Variants in ZMIZ1 observed in about 807,000 individuals in gnomAD.
ZMIZ1 encodes the protein zinc finger MIZ-type containing 1.
In ZMIZ1, 17 loss-of-function variants were observed where a neutral mutation model predicts 113.9. The ratio of observed to expected loss-of-function variants is 0.15; its 90% CI spans 0.10 to 0.22. The LOEUF is 0.22. Among genes scored for constraint, ZMIZ1 ranks in the 10% least tolerant of loss-of-function variants. The pLI is 1.00. For synonymous variants in ZMIZ1, 607 were observed against 603.1 expected, an observed-to-expected ratio of 1.01 and a Z score of -0.09; for missense variants, 1,059 against 1,477.8, an observed-to-expected ratio of 0.72 and a Z score of 4.65.
chr10:79,198,103 C>A lies in ZMIZ1; in HGVS notation c.-49-3481C>A, dbSNP rs565145157. On this transcript the variant is annotated intron_variant, in intron 4 of 24. Transcript: ENST00000334512. ...TGAAACCCCATCTCTACTAAAAATA[C>A]AAAAAACTAGCCGGACGTGGTGGTG... Among the ~76,000 whole-genome samples the A allele has an allele frequency of 1.1e-3, 162 of 152,114 alleles. 1 individual carries two copies. The highest frequency in any genetic ancestry group is 3.4e-3 in the Middle Eastern group (1 of 294).
chr10:79,214,398 G>T (rs983554415), intron 6 of ZMIZ1, among the ~76,000 whole-genome samples: 3 of 152,200 alleles, frequency 2.0e-5, no homozygotes, highest in Admixed American at 2.0e-4. Flanking sequence ...CCTACACAGA[G>T]GGGCGCAGGG....
intron 4 of ZMIZ1, among the ~76,000 whole-genome samples, chr10:79,186,016 G>A (rs533501906): frequency 1.6e-4 from 25 of 152,166 alleles, no homozygotes; most frequent in Non-Finnish European, 3.1e-4. Flanking sequence ...AAACCAAACA[G>A]GAAAGAAGGA....
intron 5 of ZMIZ1, among the ~76,000 whole-genome samples, chr10:79,202,603 A>T (rs1564716961): frequency 6.6e-6 from 1 of 152,324 alleles, no homozygotes; most frequent in South Asian, 2.1e-4. Context: ...CATGGTCCCC[A>T]CCCTGCTGAA....
At chr10:79,128,671 A>G (rs1844622930) in intron 2 of ZMIZ1, among the ~76,000 whole-genome samples, 1 of 152,116 alleles carries the variant, frequency 6.6e-6, no homozygotes, top group South Asian at 2.1e-4. Flanking sequence ...CAGGCTAAGG[A>G]TTAGGGACTC....
At chr10:79,112,413 C>T (rs1451188942) in intron 1 of ZMIZ1, among the ~76,000 whole-genome samples, 2 of 152,010 alleles carry the variant, frequency 1.3e-5, no homozygotes, top group South Asian at 2.1e-4. Flanking sequence ...GACTTCAGAC[C>T]CACTCGGCTC....
At chr10:79,103,924 A>G (rs1247368980) in intron 1 of ZMIZ1, among the ~76,000 whole-genome samples, 1 of 152,032 alleles carries the variant, frequency 6.6e-6, no homozygotes, top group Non-Finnish European at 1.5e-5. Flanking sequence ...TTCAAGCACC[A>G]TTTGCCATTG....
chr10:79,246,553 G>A (rs913099277), intron 7 of ZMIZ1, among the ~76,000 whole-genome samples: 2 of 152,174 alleles, frequency 1.3e-5, no homozygotes, highest in Non-Finnish European at 2.9e-5. Flanking sequence ...CAGAGAGAGG[G>A]GTACAGGCCC....
intron 7 of ZMIZ1, among the ~76,000 whole-genome samples, chr10:79,219,789 G>A (rs78656504): frequency 0.028 from 4,215 of 152,276 alleles, 187 homozygotes; most frequent in African/African-American, 0.096. Flanking sequence ...AGAACACTGA[G>A]GCACAGCAGT....
chr10:79,204,030 G>A (rs887320214), intron 5 of ZMIZ1, among the ~76,000 whole-genome samples: 2 of 152,234 alleles, frequency 1.3e-5, no homozygotes, highest in African/African-American at 4.8e-5. Flanking sequence ...GTCAGACACA[G>A]CTCAGTGCTG....
Position 79,306,087 on chromosome 10 carries a change from C to A in ZMIZ1, c.2424-13C>A. On this transcript the variant is annotated splice_polypyrimidine_tract_variant and intron_variant, in intron 21 of 24. Transcript: ENST00000334512. The stretch of plus-strand genomic sequence containing the variant: ...ACCCCGGAGCCTCAGCTCTGCCACC[C>A]TTCCTCCCCCAGCTCCGAGTTTGAA... The A allele has an allele frequency of 1.2e-6, 2 of 1,607,938 alleles. No individual in the cohort carries two copies. Among genetic ancestry groups the A allele is most frequent in the South Asian group, 2.2e-5 (2 of 90,990 alleles).
In ZMIZ1 at chr10:79,305,022, C is replaced by T. The variant is rs796804858; in HGVS notation, c.2287-142C>T. 37 of 891,268 alleles carry T rather than the reference C, an allele frequency of 4.2e-5. No homozygotes were observed. In the African/African-American group the frequency reaches 5.3e-4, roughly 13 times the overall value. The allele number at this position is 891,268 out of a possible 1,614,324, so 55.2% of individuals were successfully genotyped here. ...CGTGGCAGAAAGGTAGCATTGCTTT[C>T]ATTCCACCCAGCCCCAGCCCGGGGT... On this transcript the variant is annotated intron_variant, in intron 19 of 24. Transcript: ENST00000334512.
At chr10:79,186,582 G>A (rs1025544710) in intron 4 of ZMIZ1, among the ~76,000 whole-genome samples, 5 of 152,222 alleles carry the variant, frequency 3.3e-5, no homozygotes, top group Non-Finnish European at 7.3e-5. Context: ...TGATTACACA[G>A]CACATAATTA....
chr10:79,123,163 T>G (rs1217910030), intron 2 of ZMIZ1, among the ~76,000 whole-genome samples: 4 of 152,132 alleles, frequency 2.6e-5, no homozygotes, highest in African/African-American at 9.7e-5. Context: ...GGGTATCGTG[T>G]CAGGGGCATG....
intron 6 of ZMIZ1, 58 bp downstream of exon 6, chr10:79,208,507 C>A: frequency 6.9e-7 from 1 of 1,442,946 alleles, no homozygotes. Flanking sequence ...TGAGTGCTAG[C>A]GTGCCTGTCC....
At chr10:79,288,772 G>A (rs1589571276) in intron 8 of ZMIZ1, among the ~76,000 whole-genome samples, 1 of 152,172 alleles carries the variant, frequency 6.6e-6, no homozygotes, top group Non-Finnish European at 1.5e-5. Context: ...CCTCACTCTT[G>A]TGCACCCCAG....
At chr10:79,292,550 G>A (rs1853565645) in intron 11 of ZMIZ1, among the ~76,000 whole-genome samples, 194 bp downstream of exon 11, 1 of 152,148 alleles carries the variant, frequency 6.6e-6, no homozygotes, top group Admixed American at 6.5e-5. Flanking sequence ...CTAGAATGGG[G>A]CGTGTCAGTG....
At chr10:79,274,494 T>C (rs1047982622) in intron 7 of ZMIZ1, among the ~76,000 whole-genome samples, 9 of 152,232 alleles carry the variant, frequency 5.9e-5, no homozygotes, top group African/African-American at 2.2e-4. Context: ...CTCTCGACAG[T>C]GCCCAGACTC....
Position 79,085,911 on chromosome 10 carries a change from C to T in ZMIZ1, c.-337+16641C>T, listed in dbSNP as rs943047039. Among the ~76,000 whole-genome samples, 16 of 152,082 alleles carry T rather than the reference C, an allele frequency of 1.1e-4. 1 individual carries two copies. Among genetic ancestry groups the T allele is most frequent in the African/African-American group, 1.9e-4 (8 of 41,402 alleles). On this transcript the variant is annotated intron_variant, in intron 1 of 24. Transcript: ENST00000334512. ...TTGGATGAAACCCCTGGGGCAGCAC[C>T]GGGCACTGGAAGGGCCCTGGTAAGG...
At chr10:79,177,965 C>T (rs1266806553) in intron 4 of ZMIZ1, among the ~76,000 whole-genome samples, 4 of 152,192 alleles carry the variant, frequency 2.6e-5, no homozygotes, top group African/African-American at 9.7e-5. Context: ...GCTTCAGAGT[C>T]ATTCAGTGCT....
Sources: gnomAD v4.1 joint callset for allele counts (sites outside exome capture counted in the v4.1 genomes callset) on GRCh38, gnomAD v4.1.1 for gene constraint, MANE v1.5 for transcripts, NCBI Gene and HGNC (gene_info 2026-07-23, HGNC 2026-07-21) for gene names.